The following INPP5F variants were observed in gnomAD, a reference collection of about 807,000 sequenced individuals.
The protein encoded by INPP5F is inositol polyphosphate-5-phosphatase F, also known as phosphatidylinositide 4-phosphatase SAC2.
Under a neutral mutation model 137.2 loss-of-function variants are expected in INPP5F, and 97 were observed. That is an observed-to-expected ratio of 0.71 (90% confidence interval 0.60 to 0.84). The LOEUF (loss-of-function observed/expected upper bound fraction) is 0.84. Ranked by LOEUF, INPP5F falls within the 40% of genes least tolerant of loss-of-function variation. INPP5F has a pLI of 0.00. For missense variants in INPP5F, 1,271 were observed against 1,371.9 expected, an observed-to-expected ratio of 0.93 and a Z score of 1.16; for synonymous variants, 504 against 476.9, an observed-to-expected ratio of 1.06 and a Z score of -0.74.
chr10:119,772,725 A>C (rs1849403576), intron 2 of INPP5F, among the ~76,000 whole-genome samples: 1 of 151,976 alleles, frequency 6.6e-6, no homozygotes, highest in South Asian at 2.1e-4. Context: ...TCGTGTGGAG[A>C]ACCAATTATT....
At chr10:119,746,860 C>G (rs116245036) in intron 1 of INPP5F, among the ~76,000 whole-genome samples, 5,050 of 151,194 alleles carry the variant, frequency 0.033, 282 homozygotes, top group African/African-American at 0.11. Flanking sequence ...GTAATCTCAG[C>G]TCACGGCAAC....
chr10:119,804,760 C>T (rs1198860549), intron 10 of INPP5F, among the ~76,000 whole-genome samples: 5 of 151,760 alleles, frequency 3.3e-5, no homozygotes, highest in African/African-American at 4.8e-5. Flanking sequence ...CTCACTCTGT[C>T]GCCCAGGCTG....
At chr10:119,766,850 T>A (rs1220162713) in intron 2 of INPP5F, among the ~76,000 whole-genome samples, 1 of 152,078 alleles carries the variant, frequency 6.6e-6, no homozygotes, top group East Asian at 1.9e-4. Context: ...ATACCTGTAA[T>A]CCCAGGATTT....
At chr10:119,770,341 C>A (rs1232345551) in intron 2 of INPP5F, among the ~76,000 whole-genome samples, 2 of 152,062 alleles carry the variant, frequency 1.3e-5, no homozygotes, top group East Asian at 3.8e-4. Flanking sequence ...TTAATTGAAC[C>A]AAGTTTCTTT....
chr10:119,740,162 A>G lies in INPP5F; in HGVS notation c.98-10914A>G, dbSNP rs565147633. On this transcript the variant is annotated intron_variant, in intron 1 of 19. Transcript: ENST00000650623. ...CTTAGGACCTTGTACTTACTCACAT[A>G]TGGAACTGGAGTTTACCAGTATCCA... Among the ~76,000 whole-genome samples the G allele has an allele frequency of 3.3e-5, 5 of 152,242 alleles. No homozygotes were observed. In the South Asian group the frequency reaches 1.0e-3, roughly 32 times the overall value.
At chr10:119,819,310 G>A in intron 15 of INPP5F, 1 of 503,054 alleles carries the variant, frequency 2.0e-6, no homozygotes, top group Non-Finnish European at 2.8e-6. Flanking sequence ...TAAAATTGGG[G>A]GTGGGGGGAG....
intron 2 of INPP5F, among the ~76,000 whole-genome samples, chr10:119,767,121 A>AAAAAAAG (rs1849193815): frequency 1.3e-5 from 2 of 149,616 alleles, no homozygotes; most frequent in Non-Finnish European, 3.0e-5. Flanking sequence ...AAAAAAAAAA[A>AAAAAAAG]AAAAAAAAAA....
chr10:119,764,315 G>A (rs564635701), intron 2 of INPP5F, among the ~76,000 whole-genome samples: 32 of 152,134 alleles, frequency 2.1e-4, no homozygotes, highest in Admixed American at 3.9e-4. Context: ...GTGTATACGC[G>A]CGCATGTGCT....
At chr10:119,728,127 T>C (rs1035015117) in intron 1 of INPP5F, among the ~76,000 whole-genome samples, 1 of 152,280 alleles carries the variant, frequency 6.6e-6, no homozygotes, top group Non-Finnish European at 1.5e-5. Flanking sequence ...AAAACTTTTT[T>C]GGGGGAGGAA....
chr10:119,749,701 C>T (rs1048335360), intron 1 of INPP5F, among the ~76,000 whole-genome samples: 1 of 152,084 alleles, frequency 6.6e-6, no homozygotes, highest in African/African-American at 2.4e-5. Context: ...AAGTGAGACT[C>T]CTTAAACTTA....
rs1022911338 is a variant in INPP5F at position 119,828,555 on chromosome 10, A to AG, written c.*779dup. ...CAGTCAGGTTTTAATTTATTCCAGG[A>AG]GGGGCATCCTCGACATCTTATGTAG... On this transcript the variant is annotated 3_prime_UTR_variant, in exon 20 of 20. Coordinates refer to ENST00000650623, the MANE Select transcript of INPP5F (RefSeq NM_014937.4). The AG allele has an allele frequency of 2.6e-5, 4 of 152,182 alleles. No individual in the cohort carries two copies. Among genetic ancestry groups the AG allele is most frequent in the Non-Finnish European group, 5.9e-5 (4 of 68,048 alleles). The allele number at this position is 152,182 out of a possible 1,614,324, so 9.4% of individuals were successfully genotyped here.
intron 15 of INPP5F, among the ~76,000 whole-genome samples, chr10:119,818,372 A>G (rs956146869): frequency 6.6e-6 from 1 of 152,210 alleles, no homozygotes; most frequent in Admixed American, 6.5e-5. Context: ...CCGGTCCAGC[A>G]GTGGTAATGG....
chr10:119,733,537 G>C (rs1410016720), intron 1 of INPP5F, among the ~76,000 whole-genome samples: 1 of 152,198 alleles, frequency 6.6e-6, no homozygotes, highest in African/African-American at 2.4e-5. Context: ...CAATTTCATA[G>C]ACATCCTTTC....
chr10:119,823,030 G>A lies in INPP5F; in HGVS notation c.2033-41G>A, dbSNP rs1370602639. ...TTAAGATAATAGAAGAAAATGTTAT[G>A]TGAAACATTTAACTTTATACGTATT... On this transcript the variant is annotated intron_variant, in intron 17 of 19. Coordinates refer to ENST00000650623, the MANE Select transcript of INPP5F (RefSeq NM_014937.4). The A allele has an allele frequency of 4.5e-6, 7 of 1,551,216 alleles. No homozygotes were observed. The South Asian group carries it at 8.4e-5, about 19-fold the overall frequency.
At position 119,746,471 on chromosome 10, in the gene INPP5F, C is replaced by T. The variant is rs115807219; in HGVS notation, c.98-4605C>T. On this transcript the variant is annotated intron_variant, in intron 1 of 19. Transcript: ENST00000650623. The stretch of plus-strand genomic sequence containing the variant: ...GCATCTGTGTTGGCAGATGTTGAGA[C>T]ATGGTCTGCCTGATACAGGGATTCT... Among the ~76,000 whole-genome samples the T allele has an allele frequency of 3.7e-3, 566 of 152,268 alleles. 6 individuals carry two copies. The highest frequency in any genetic ancestry group is 0.013 in the African/African-American group (555 of 41,544).
intron 2 of INPP5F, among the ~76,000 whole-genome samples, chr10:119,763,335 C>G (rs1324787805): frequency 6.6e-6 from 1 of 152,202 alleles, no homozygotes; most frequent in South Asian, 2.1e-4. Context: ...CTGGTTGTTC[C>G]TATCCTCACG....
chr10:119,805,346 A>G, intron 10 of INPP5F, 38 bp from the exon 11 acceptor site: 2 of 1,515,018 alleles, frequency 1.3e-6, no homozygotes, highest in Non-Finnish European at 1.8e-6. Context: ...TCTATGATTA[A>G]ATTAAAGATT....
At chr10:119,809,613 T>G (rs189459966) in intron 13 of INPP5F, among the ~76,000 whole-genome samples, 1 of 152,226 alleles carries the variant, frequency 6.6e-6, no homozygotes, top group East Asian at 1.9e-4. Context: ...GTGCTGGTGA[T>G]GTGCAGCAAG....
chr10:119,779,386 C>T (rs34929745), intron 2 of INPP5F, among the ~76,000 whole-genome samples: 6,513 of 152,026 alleles, frequency 0.043, 242 homozygotes, highest in South Asian at 0.22. Context: ...ACTTTAAAAT[C>T]TTTTCTTTCT....
Sources: gnomAD v4.1 joint callset for allele counts (sites outside exome capture counted in the v4.1 genomes callset) on GRCh38, gnomAD v4.1.1 for gene constraint, MANE v1.5 for transcripts, NCBI Gene and HGNC (gene_info 2026-07-23, HGNC 2026-07-21) for gene names.